Variants in STRN3 observed in about 807,000 individuals in gnomAD.
STRN3 encodes striatin-3.
A neutral mutation model predicts 95.6 loss-of-function variants in STRN3; 29 were observed. The observed-to-expected ratio is 0.30, with a 90% CI of 0.23 to 0.41. STRN3 has a LOEUF of 0.41. STRN3 is among the 10% of genes least tolerant of loss of function. The probability of loss-of-function intolerance (pLI) is 1.00; values close to 1 mark genes in which losing one functional copy is unlikely to be tolerated. For missense variants in STRN3, 890 were observed against 972.1 expected (o/e 0.92, Z 1.12); for synonymous variants, 331 against 357.6 (o/e 0.93, Z 0.84).
intron 1 of STRN3, among the ~76,000 whole-genome samples, chr14:30,992,283 C>T (rs1881993814): frequency 1.3e-5 from 2 of 151,526 alleles, no homozygotes; most frequent in South Asian, 2.1e-4. Context: ...TGGTGGCGGG[C>T]GCCTATAATC....
intron 1 of STRN3, among the ~76,000 whole-genome samples, chr14:31,013,085 C>A (rs991810880): frequency 2.0e-5 from 3 of 151,876 alleles, no homozygotes; most frequent in African/African-American, 7.3e-5. Flanking sequence ...ACAGGGAGAC[C>A]CCCATCTCTA....
At position 30,905,570 on chromosome 14, in the gene STRN3, C is replaced by A; in HGVS notation, c.1889-12G>T. The stretch of plus-strand genomic sequence containing the variant: ...AGGTATTCCATGCTCTGAAATGAGC[C>A]CAAAGACAGACAATGTAAACAAAGT... On this transcript the variant is annotated splice_polypyrimidine_tract_variant and intron_variant, in intron 14 of 17. Coordinates refer to ENST00000357479, the MANE Select transcript of STRN3 (RefSeq NM_001083893.2). 6.3e-7 allele frequency: 1 copy of A among 1,585,612 alleles called. No individual in the cohort carries two copies. Among genetic ancestry groups the A allele is most frequent in the Non-Finnish European group, 8.5e-7 (1 of 1,170,980 alleles).
At chr14:30,948,386 A>T (rs1335929377) in intron 4 of STRN3, among the ~76,000 whole-genome samples, 1 of 152,222 alleles carries the variant, frequency 6.6e-6, no homozygotes, top group Non-Finnish European at 1.5e-5. Context: ...CCATGGATTT[A>T]AATGAAGTCA....
chr14:30,970,776 C>G lies in STRN3; in HGVS notation c.283-14534G>C, dbSNP rs148744263. On this transcript the variant is annotated intron_variant, in intron 1 of 17. Transcript: ENST00000357479. ...AACTTTGGCAATTGAGACAAGATAC[C>G]AAGATGTAAATGCCTGGTTGGAATG... Among the ~76,000 whole-genome samples, 277 of 152,310 alleles carry G rather than the reference C, an allele frequency of 1.8e-3. 1 individual carries two copies. Among genetic ancestry groups the G allele is most frequent in the African/African-American group, 6.1e-3 (253 of 41,570 alleles).
intron 3 of STRN3, among the ~76,000 whole-genome samples, chr14:30,955,002 T>TA (rs1029819327): frequency 6.6e-6 from 1 of 152,102 alleles, no homozygotes; most frequent in African/African-American, 2.4e-5. Flanking sequence ...AAGACTATAA[T>TA]AATCATGGCT....
At chr14:30,928,620 C>A (rs554975425) in intron 8 of STRN3, among the ~76,000 whole-genome samples, 184 of 152,254 alleles carry the variant, frequency 1.2e-3, no homozygotes, top group African/African-American at 4.4e-3. Context: ...GGCACCAAGA[C>A]ACCCAGCAAT....
intron 1 of STRN3, among the ~76,000 whole-genome samples, chr14:30,996,440 G>A (rs1400785693): frequency 6.6e-6 from 1 of 152,166 alleles, no homozygotes; most frequent in Non-Finnish European, 1.5e-5. Context: ...ATAATTACTT[G>A]GGCTTTGCAT....
chr14:30,901,566 T>C (rs922634208), intron 16 of STRN3, among the ~76,000 whole-genome samples: 4 of 152,246 alleles, frequency 2.6e-5, no homozygotes, highest in South Asian at 2.1e-4. Context: ...TTACATTTCT[T>C]ATTTAGAAGT....
In STRN3 at chr14:30,911,923, A is replaced by G. The variant is rs45542034; in HGVS notation, c.1550+84T>C. On this transcript the variant is annotated intron_variant, in intron 11 of 17. Transcript: ENST00000357479. The stretch of plus-strand genomic sequence containing the variant: ...AGTCATTAGATCAAATGTGTGCATT[A>G]AAGACATGCAACAATAATGAGGAAT... 9.5e-3 allele frequency: 14,707 copies of G among 1,556,292 alleles called. 70 individuals carry two copies. The highest frequency in any genetic ancestry group is 0.011 in the Non-Finnish European group (12,640 of 1,147,280).
intron 9 of STRN3, among the ~76,000 whole-genome samples, chr14:30,916,737 T>C (rs1896750009): frequency 6.6e-6 from 1 of 152,158 alleles, no homozygotes; most frequent in Non-Finnish European, 1.5e-5. Context: ...CCCTAGTTTT[T>C]AATTTAATGA....
At chr14:30,933,767 G>C (rs1037365737) in intron 7 of STRN3, among the ~76,000 whole-genome samples, 2 of 152,154 alleles carry the variant, frequency 1.3e-5, no homozygotes, top group African/African-American at 4.8e-5. Flanking sequence ...GTGAAGGTCT[G>C]AAAATAATGC....
At chr14:30,969,774 T>C (rs1278339996) in intron 1 of STRN3, among the ~76,000 whole-genome samples, 2 of 152,152 alleles carry the variant, frequency 1.3e-5, no homozygotes, top group African/African-American at 4.8e-5. Context: ...TCTTCCACTT[T>C]CCTTTCCCTC....
intron 1 of STRN3, among the ~76,000 whole-genome samples, chr14:31,002,114 C>A (rs1178156990): frequency 7.5e-6 from 1 of 134,002 alleles, no homozygotes; most frequent in Non-Finnish European, 1.5e-5. Context: ...TGCAGTGAGC[C>A]GAGATCATGA....
At chr14:30,925,367 A>G (rs1897002015) in intron 8 of STRN3, among the ~76,000 whole-genome samples, 1 of 152,124 alleles carries the variant, frequency 6.6e-6, no homozygotes. Flanking sequence ...TTAAGAAGTC[A>G]GTATTCTTGC....
intron 1 of STRN3, among the ~76,000 whole-genome samples, chr14:31,006,107 A>C (rs1231529162): frequency 7.0e-6 from 1 of 142,262 alleles, no homozygotes; most frequent in East Asian, 2.1e-4. Flanking sequence ...TGACAGAGCG[A>C]GACTCTGTCT....
At chr14:30,995,339 C>G (rs1882148320) in intron 1 of STRN3, among the ~76,000 whole-genome samples, 1 of 151,530 alleles carries the variant, frequency 6.6e-6, no homozygotes, top group South Asian at 2.1e-4. Context: ...AAAAAAAAAA[C>G]AAAAGAACTC....
chr14:31,011,604 A>C (rs12889381), intron 1 of STRN3, among the ~76,000 whole-genome samples: 1 of 151,830 alleles, frequency 6.6e-6, no homozygotes, highest in African/African-American at 2.4e-5. Flanking sequence ...GATCATGCCA[A>C]TGCACTCCAG....
At chr14:30,992,736 A>T (rs560373346) in intron 1 of STRN3, among the ~76,000 whole-genome samples, 3 of 151,960 alleles carry the variant, frequency 2.0e-5, no homozygotes, top group Admixed American at 1.3e-4. Flanking sequence ...TAAACTGGCC[A>T]GGTACAGTGG....
Position 30,981,606 on chromosome 14 carries a change from A to ACACACACCCC in STRN3, c.283-25365_283-25364insGGGGTGTGTG, listed in dbSNP as rs1491272307. Among the ~76,000 whole-genome samples the ACACACACCCC allele has an allele frequency of 2.4e-4, 35 of 148,600 alleles. No homozygotes were observed. In the East Asian group the frequency reaches 6.3e-3, roughly 27 times the overall value. On this transcript the variant is annotated intron_variant, in intron 1 of 17. Coordinates refer to ENST00000357479, the MANE Select transcript of STRN3 (RefSeq NM_001083893.2). ...CACACACACACACACACACACACAC[A>ACACACACCCC]CCCCATAATTCAGTGTGCTAAAGCA...
Sources: allele counts gnomAD v4.1 joint callset (sites outside exome capture counted in the v4.1 genomes callset), GRCh38; gene constraint gnomAD v4.1.1; transcripts MANE v1.5; gene names NCBI Gene and HGNC (gene_info 2026-07-23, HGNC 2026-07-21).